Variants in NLGN1 observed in about 807,000 individuals in gnomAD.
NLGN1 encodes the protein neuroligin-1.
In NLGN1, 12 loss-of-function variants were observed where a neutral mutation model predicts 65.5. The ratio of observed to expected loss-of-function variants is 0.18; its 90% CI spans 0.12 to 0.30. The LOEUF (loss-of-function observed/expected upper bound fraction) is 0.30, where lower values mean the gene tolerates loss of function less well. NLGN1 is among the 10% of genes least tolerant of loss of function. The pLI, the probability that NLGN1 is intolerant of heterozygous loss-of-function variation, is 1.00. For synonymous variants in NLGN1, 350 were observed against 359.5 expected (o/e 0.97, Z 0.30); for missense variants, 750 against 1,007.1 (o/e 0.74, Z 3.46).
At chr3:174,053,935 A>G (rs1192498408) in intron 4 of NLGN1, among the ~76,000 whole-genome samples, 1 of 152,036 alleles carries the variant, frequency 6.6e-6, no homozygotes, top group East Asian at 1.9e-4. Flanking sequence ...AATTTTCAAT[A>G]TAAGGAATTT....
At chr3:173,663,508 T>TA (rs1254517334) in intron 3 of NLGN1, among the ~76,000 whole-genome samples, 4 of 151,970 alleles carry the variant, frequency 2.6e-5, no homozygotes, top group African/African-American at 9.7e-5. Flanking sequence ...TTTTATGCTG[T>TA]AAAAAAGAAA....
intron 3 of NLGN1, among the ~76,000 whole-genome samples, chr3:173,790,841 G>T (rs1183331359): frequency 6.6e-6 from 1 of 152,046 alleles, no homozygotes; most frequent in East Asian, 1.9e-4. Flanking sequence ...GAAGAGTATG[G>T]CATTGTCTCC....
chr3:173,515,816 G>A (rs889251025), intron 2 of NLGN1, among the ~76,000 whole-genome samples: 3 of 151,938 alleles, frequency 2.0e-5, no homozygotes, highest in Non-Finnish European at 4.4e-5. Context: ...CTCATTTCCT[G>A]AAGATTAGAT....
chr3:173,501,233 A>G (rs865867976), intron 2 of NLGN1, among the ~76,000 whole-genome samples: 1 of 151,988 alleles, frequency 6.6e-6, no homozygotes, highest in African/African-American at 2.4e-5. Context: ...TGCATCAGCT[A>G]TTTATCCTGA....
chr3:174,148,484 G>A (rs912360782), intron 4 of NLGN1, among the ~76,000 whole-genome samples: 3 of 152,030 alleles, frequency 2.0e-5, no homozygotes, highest in Non-Finnish European at 2.9e-5. Context: ...AGCTACACTT[G>A]CATTTTTTCT....
At chr3:173,434,321 G>C (rs1328394463) in intron 1 of NLGN1, among the ~76,000 whole-genome samples, 1 of 152,150 alleles carries the variant, frequency 6.6e-6, no homozygotes, top group Non-Finnish European at 1.5e-5. Context: ...GTTCTTTGTA[G>C]TAGTGGTTTT....
At chr3:173,989,500 T>G (rs1579604342) in intron 4 of NLGN1, among the ~76,000 whole-genome samples, 1 of 152,214 alleles carries the variant, frequency 6.6e-6, no homozygotes, top group Non-Finnish European at 1.5e-5. Context: ...GATTAATATA[T>G]TTTTAAAAAA....
intron 3 of NLGN1, among the ~76,000 whole-genome samples, chr3:173,757,162 T>A (rs955187889): frequency 6.6e-6 from 1 of 152,076 alleles, no homozygotes; most frequent in African/African-American, 2.4e-5. Context: ...TATCTAGTGA[T>A]ACCACCTATA....
Position 173,423,141 on chromosome 3 carries a change from C to T in NLGN1, c.-389-11869C>T, listed in dbSNP as rs144534966. Among the ~76,000 whole-genome samples the T allele has an allele frequency of 3.3e-3, 509 of 152,202 alleles. 3 individuals are homozygous for T. The highest frequency in any genetic ancestry group is 0.011 in the South Asian group (54 of 4,814). On this transcript the variant is annotated intron_variant, in intron 1 of 6. Coordinates refer to ENST00000457714, the Ensembl canonical transcript of NLGN1. ...CCACACTTTAAACCATCAGATCTCA[C>T]GAGAACTCTCTCACTATCACAAGAA... is the stretch of plus-strand genomic sequence containing the variant.
In NLGN1 at chr3:173,605,141, A is replaced by G. The variant is rs143068992; in HGVS notation, c.493+50A>G. ...GGAGATATATTTATATATTTTTTCT[A>G]TTCTAAGTTCTAACAATATTAATTC... is the stretch of plus-strand genomic sequence containing the variant. On this transcript the variant is annotated intron_variant, in intron 3 of 6. Coordinates refer to ENST00000457714, the Ensembl canonical transcript of NLGN1. The G allele has an allele frequency of 6.9e-4, 994 of 1,435,146 alleles. 8 individuals carry two copies. The Middle Eastern group carries it at 0.017, about 24-fold the overall frequency. The allele number at this position is 1,435,146 out of a possible 1,614,324, so 88.9% of individuals were successfully genotyped here.
intron 4 of NLGN1, among the ~76,000 whole-genome samples, chr3:174,257,902 T>TTTTATA (rs1746106850): frequency 1.4e-5 from 2 of 147,812 alleles, no homozygotes; most frequent in African/African-American, 5.0e-5. Flanking sequence ...TTATATCTCC[T>TTTTATA]TATATATATA....
intron 4 of NLGN1, among the ~76,000 whole-genome samples, chr3:174,209,550 A>G (rs982013398): frequency 3.3e-5 from 5 of 150,888 alleles, no homozygotes; most frequent in African/African-American, 1.2e-4. Flanking sequence ...TTATATTGTC[A>G]CTTGAGAAAA....
At chr3:173,725,613 C>A (rs1317733722) in intron 3 of NLGN1, among the ~76,000 whole-genome samples, 14 of 152,208 alleles carry the variant, frequency 9.2e-5, no homozygotes, top group Non-Finnish European at 1.6e-4. Flanking sequence ...CATTAGTTTT[C>A]TATGCTGTAT....
chr3:173,897,329 T>C (rs1444606035), intron 4 of NLGN1, among the ~76,000 whole-genome samples: 1 of 152,168 alleles, frequency 6.6e-6, no homozygotes, highest in East Asian at 1.9e-4. Context: ...CAAATATCCA[T>C]CCCATTAAAT....
Position 173,824,076 on chromosome 3 carries a change from A to G in NLGN1, c.646+16244A>G, listed in dbSNP as rs370772059. ...TTAATGGCTGTTACAGCTGAAAGAG[A>G]TGATTCACAAAGACACAAAAGTACA... On this transcript the variant is annotated intron_variant, in intron 4 of 6. Coordinates refer to ENST00000457714, the Ensembl canonical transcript of NLGN1. 7.3e-4 allele frequency among the ~76,000 whole-genome samples: 111 copies of G among 152,186 alleles called. No individual in the cohort carries two copies. In the South Asian group the frequency reaches 0.022, roughly 30 times the overall value.
At chr3:174,051,846 A>G (rs1012643210) in intron 4 of NLGN1, among the ~76,000 whole-genome samples, 1 of 152,016 alleles carries the variant, frequency 6.6e-6, no homozygotes, top group Middle Eastern at 3.2e-3. Flanking sequence ...TTGGCCTCAT[A>G]TGCCTTTGCT....
intron 3 of NLGN1, among the ~76,000 whole-genome samples, chr3:173,609,271 G>C (rs751270294): frequency 9.9e-5 from 15 of 152,062 alleles, no homozygotes; most frequent in Non-Finnish European, 2.1e-4. Flanking sequence ...TCCTGCACTT[G>C]TGAGACATTA....
chr3:173,821,146 T>C (rs997268003), intron 4 of NLGN1, among the ~76,000 whole-genome samples: 5 of 152,182 alleles, frequency 3.3e-5, no homozygotes, highest in Non-Finnish European at 7.4e-5. Flanking sequence ...TATGTATTGG[T>C]AATTTCACCA....
chr3:173,726,088 A>G (rs552756136), intron 3 of NLGN1, among the ~76,000 whole-genome samples: 63 of 152,102 alleles, frequency 4.1e-4, no homozygotes, highest in Middle Eastern at 3.4e-3. Context: ...CAAGGGAGTA[A>G]AGTCGCCTTT....
Sources: allele counts gnomAD v4.1 joint callset (sites outside exome capture counted in the v4.1 genomes callset), GRCh38; gene constraint gnomAD v4.1.1; transcripts MANE v1.5; gene names NCBI Gene and HGNC (gene_info 2026-07-23, HGNC 2026-07-21).